PLA2G4A: variants seen among roughly 807,000 people sequenced by gnomAD.
PLA2G4A encodes cytosolic phospholipase A2.
In PLA2G4A, 40 loss-of-function variants were observed where a neutral mutation model predicts 81.9. The observed-to-expected ratio is 0.49, with a 90% confidence interval of 0.38 to 0.64. The LOEUF (loss-of-function observed/expected upper bound fraction) is 0.64, where lower values mean the gene tolerates loss of function less well. Among genes scored for constraint, PLA2G4A ranks in the 30% least tolerant of loss-of-function variants. The probability of loss-of-function intolerance (pLI) is 0.00; values close to 1 mark genes in which losing one functional copy is unlikely to be tolerated. For missense variants in PLA2G4A, 715 were observed against 905.1 expected (o/e 0.79, Z 2.69); for synonymous variants, 302 against 296.9 (o/e 1.02, Z -0.18).
At chr1:186,846,408 T>C (rs563786181) in intron 1 of PLA2G4A, among the ~76,000 whole-genome samples, 2 of 152,298 alleles carry the variant, frequency 1.3e-5, no homozygotes, top group Admixed American at 1.3e-4. Context: ...ATAAATTAGA[T>C]CTGTTCATAT....
chr1:186,919,306 G>A (rs906822911), intron 7 of PLA2G4A, among the ~76,000 whole-genome samples: 2 of 152,136 alleles, frequency 1.3e-5, no homozygotes, highest in African/African-American at 2.4e-5. Context: ...CCAGGTTCCG[G>A]TAGGCTACAG....
intron 3 of PLA2G4A, among the ~76,000 whole-genome samples, chr1:186,879,164 TTAATA>T (rs1653633843): frequency 2.6e-5 from 4 of 151,928 alleles, no homozygotes; most frequent in Non-Finnish European, 5.9e-5. Flanking sequence ...CACTCCTCAC[TTAATA>T]TATCAATATA....
intron 17 of PLA2G4A, among the ~76,000 whole-genome samples, chr1:186,983,330 T>C (rs543636740): frequency 2.0e-5 from 3 of 152,146 alleles, no homozygotes; most frequent in Non-Finnish European, 4.4e-5. Flanking sequence ...ACTCTTACAA[T>C]GCAAAGTTAC....
Position 186,870,415 on chromosome 1 carries a change from T to C in PLA2G4A, c.34-20T>C. 7.0e-7 allele frequency: 1 copy of C among 1,438,756 alleles called. No homozygotes were observed. The highest frequency in any genetic ancestry group is 9.8e-7 in the Non-Finnish European group (1 of 1,020,290). 89.1% of individuals were successfully genotyped at this position (1,438,756 alleles called of 1,614,324 possible). A position where few individuals can be genotyped will look rare whatever the true frequency, so the allele number is the denominator to read the frequency against. On this transcript the variant is annotated intron_variant, in intron 2 of 17. Transcript: ENST00000367466. The stretch of plus-strand genomic sequence containing the variant: ...CTATGTTGGAAGCTTATTTTAAATT[T>C]ACTGTCATTTTATTTCCAGGTGGAG...
At chr1:186,963,893 T>C (rs6425067) in intron 14 of PLA2G4A, among the ~76,000 whole-genome samples, 145,928 of 152,308 alleles carry the variant, frequency 0.96, 69,950 homozygotes, top group East Asian at 1. Context: ...TTACTTCAAC[T>C]TTTATTTATA....
chr1:186,897,194 C>T (rs1455592085), intron 5 of PLA2G4A, among the ~76,000 whole-genome samples: 3 of 152,156 alleles, frequency 2.0e-5, no homozygotes, highest in Non-Finnish European at 4.4e-5. Flanking sequence ...AATACTGAGT[C>T]AACATAGAGT....
chr1:186,932,130 T>C (rs182008298), intron 7 of PLA2G4A, among the ~76,000 whole-genome samples: 284 of 152,272 alleles, frequency 1.9e-3, no homozygotes, highest in Non-Finnish European at 2.9e-3. Flanking sequence ...GAGAGTTAAA[T>C]AAGACAATGT....
At chr1:186,964,059 G>A (rs190863757) in intron 14 of PLA2G4A, among the ~76,000 whole-genome samples, 6 of 152,288 alleles carry the variant, frequency 3.9e-5, no homozygotes, top group East Asian at 1.9e-4. Flanking sequence ...ACATATACTA[G>A]GTTCCTACTG....
intron 1 of PLA2G4A, among the ~76,000 whole-genome samples, chr1:186,841,465 G>T (rs747262914): frequency 1.3e-5 from 2 of 152,186 alleles, no homozygotes; most frequent in African/African-American, 4.8e-5. Context: ...TGCCAGTAGG[G>T]TATAAAGAAA....
At chr1:186,896,232 G>A (rs2102120453) in intron 5 of PLA2G4A, among the ~76,000 whole-genome samples, 1 of 152,240 alleles carries the variant, frequency 6.6e-6, no homozygotes, top group Admixed American at 6.5e-5. Context: ...AACAGTTTCT[G>A]GTACGTATTA....
At chr1:186,879,545 T>C (rs1653648650) in intron 3 of PLA2G4A, among the ~76,000 whole-genome samples, 1 of 151,954 alleles carries the variant, frequency 6.6e-6, no homozygotes, top group African/African-American at 2.4e-5. Flanking sequence ...AAATCTCCCT[T>C]CTGCTACTTA....
At chr1:186,971,719 T>C (rs894582805) in intron 15 of PLA2G4A, among the ~76,000 whole-genome samples, 1 of 152,016 alleles carries the variant, frequency 6.6e-6, no homozygotes, top group African/African-American at 2.4e-5. Flanking sequence ...GTAGAATTGT[T>C]AAATTGATAA....
intron 2 of PLA2G4A, among the ~76,000 whole-genome samples, chr1:186,857,305 T>TATATATGTA (rs1652614424): frequency 4.1e-5 from 5 of 121,914 alleles, no homozygotes; most frequent in Non-Finnish European, 8.1e-5. Flanking sequence ...TATATTATAT[T>TATATATGTA]TATATTATAT....
intron 10 of PLA2G4A, 39 bp downstream of exon 10, chr1:186,940,133 C>G: frequency 9.3e-7 from 1 of 1,079,936 alleles, no homozygotes; most frequent in African/African-American, 1.5e-5. Context: ...CCTGGAACCT[C>G]TGAATTGCAG....
chr1:186,938,977 C>G (rs1656049082), intron 8 of PLA2G4A, 31 bp from the exon 9 acceptor site: 2 of 1,117,402 alleles, frequency 1.8e-6, no homozygotes, highest in Admixed American at 1.7e-5. Context: ...TGCTCTTTAT[C>G]TTTACTGATT....
intron 14 of PLA2G4A, 67 bp downstream of exon 14, chr1:186,956,411 C>T (rs1464328742): frequency 7.5e-7 from 1 of 1,339,948 alleles, no homozygotes; most frequent in Non-Finnish European, 1.1e-6. Context: ...TGGAGAGAAG[C>T]ATTTTAATTA....
intron 1 of PLA2G4A, among the ~76,000 whole-genome samples, chr1:186,845,924 A>G (rs553459786): frequency 4.7e-4 from 72 of 152,322 alleles, no homozygotes; most frequent in African/African-American, 1.6e-3. Flanking sequence ...AGGGAAAGGA[A>G]AAAAAGAAAG....
chr1:186,866,167 G>A (rs1653019145), intron 2 of PLA2G4A, among the ~76,000 whole-genome samples: 1 of 152,090 alleles, frequency 6.6e-6, no homozygotes. Flanking sequence ...TATCCAAGTT[G>A]AAACCTAGTG....
rs549108719 is a variant in PLA2G4A at position 186,885,268 on chromosome 1, T to C, written c.116-7743T>C. 9.2e-5 allele frequency among the ~76,000 whole-genome samples: 14 copies of C among 152,112 alleles called. No homozygotes were observed. The East Asian group carries it at 1.4e-3, about 15-fold the overall frequency. ...CAGGACAAAGATATTGGCAGTCTCA[T>C]AAGAGGAAACAAACAAACAAACAAA... On this transcript the variant is annotated intron_variant, in intron 3 of 17. Coordinates refer to ENST00000367466, the MANE Select transcript of PLA2G4A (RefSeq NM_024420.3).
Sources: allele counts gnomAD v4.1 joint callset (sites outside exome capture counted in the v4.1 genomes callset), GRCh38; gene constraint gnomAD v4.1.1; transcripts MANE v1.5; gene names NCBI Gene and HGNC (gene_info 2026-07-23, HGNC 2026-07-21).